The following GPR141 variants were observed in gnomAD, a reference collection of about 807,000 sequenced individuals.
GPR141 encodes probable G protein-coupled receptor 141.
GPR141 carries 6 observed loss-of-function variants against 6.8 expected under a neutral mutation model. That is an observed-to-expected ratio of 0.88 (90% CI 0.48 to 1.74). The LOEUF (loss-of-function observed/expected upper bound fraction) is 1.74. Among genes scored for constraint, GPR141 ranks in the 40% most tolerant of loss-of-function variants. The pLI is 0.01. For missense variants in GPR141, 372 were observed against 372.9 expected, an observed-to-expected ratio of 1.00 and a Z score of 0.02; for synonymous variants, 140 against 142.3, an observed-to-expected ratio of 0.98 and a Z score of 0.11.
chr7:37,716,909 G>T (rs1230964171), intron 2 of GPR141, among the ~76,000 whole-genome samples: 2 of 152,246 alleles, frequency 1.3e-5, no homozygotes, highest in African/African-American at 4.8e-5. Flanking sequence ...ATTAAGGGGA[G>T]GGTTTTCCTT....
chr7:37,725,823 T>C (rs1357168660), intron 2 of GPR141, among the ~76,000 whole-genome samples: 1 of 152,054 alleles, frequency 6.6e-6, no homozygotes. Flanking sequence ...AATATGTCTA[T>C]TTACCATGTT....
At chr7:37,697,436 T>G (rs1161309766) in intron 2 of GPR141, among the ~76,000 whole-genome samples, 1 of 152,352 alleles carries the variant, frequency 6.6e-6, no homozygotes, top group East Asian at 1.9e-4. Context: ...TTAAAAACTT[T>G]AAAGCCTTAT....
At chr7:37,713,241 A>G (rs953180519) in intron 2 of GPR141, 10 of 152,228 alleles carry the variant, frequency 6.6e-5, no homozygotes, top group Non-Finnish European at 4.4e-5. Context: ...ACAAATATAT[A>G]CCATGTGTTA....
chr7:37,730,927 C>T (rs569318077), intron 2 of GPR141, among the ~76,000 whole-genome samples: 3 of 152,296 alleles, frequency 2.0e-5, no homozygotes, highest in Non-Finnish European at 4.4e-5. Context: ...TGAAAAGGCT[C>T]GAAATTTCCT....
chr7:37,713,684 C>T lies in GPR141; in HGVS notation c.-14-26696C>T, dbSNP rs1178505498. On this transcript the variant is annotated intron_variant, in intron 2 of 2. Coordinates refer to ENST00000334425, the MANE Select transcript of GPR141 (RefSeq NM_001381946.1). ...CAATTGTTCTGCCACTTTAAAGATACTATGTCTTTAAAGTTGCTGTGAAAA... is the reference window on the plus strand; with the variant it reads ...CAATTGTTCTGCCACTTTAAAGATATTATGTCTTTAAAGTTGCTGTGAAAA... 2.6e-5 allele frequency among the ~76,000 whole-genome samples: 4 copies of T among 152,148 alleles called. No individual in the cohort carries two copies. In the South Asian group the frequency reaches 8.3e-4, roughly 31 times the overall value.
At chr7:37,730,052 C>T (rs1338395540) in intron 2 of GPR141, 1 of 152,198 alleles carries the variant, frequency 6.6e-6, no homozygotes, top group Non-Finnish European at 1.5e-5. Flanking sequence ...AGTTCAATGC[C>T]TAAGTATAAC....
In GPR141 at chr7:37,688,009, A is replaced by G. The variant is rs148791053; in HGVS notation, c.-15+2426A>G. ...ACAATTGCAATGTGAATGCAACCACAGACGATGCATAAATAAATAAGCTTG... is the reference window on the plus strand; with the variant it reads ...ACAATTGCAATGTGAATGCAACCACGGACGATGCATAAATAAATAAGCTTG... On this transcript the variant is annotated intron_variant, in intron 2 of 2. Coordinates refer to ENST00000334425, the MANE Select transcript of GPR141 (RefSeq NM_001381946.1). Among the ~76,000 whole-genome samples the G allele has an allele frequency of 8.5e-5, 13 of 152,292 alleles. No individual in the cohort carries two copies. In the East Asian group the frequency reaches 2.5e-3, roughly 29 times the overall value.
intron 2 of GPR141, among the ~76,000 whole-genome samples, chr7:37,695,460 TG>T (rs1809971477): frequency 6.6e-6 from 1 of 152,192 alleles, no homozygotes; most frequent in Non-Finnish European, 1.5e-5. Flanking sequence ...TGGCAAGGTC[TG>T]TAGATGTCCA....
At chr7:37,699,160 T>C (rs1030110017) in intron 2 of GPR141, among the ~76,000 whole-genome samples, 13 of 152,198 alleles carry the variant, frequency 8.5e-5, no homozygotes, top group Non-Finnish European at 1.8e-4. Context: ...AGTTTTTTTT[T>C]CTATGAAGAA....
At position 37,743,495 on chromosome 7, in the gene GPR141, G is replaced by T. The variant is rs2131880950; in HGVS notation, c.*2184G>T. 6.6e-6 allele frequency among the ~76,000 whole-genome samples: 1 copy of T among 150,940 alleles called. No individual in the cohort carries two copies. The highest frequency in any genetic ancestry group is 1.9e-4 in the East Asian group (1 of 5,148). On this transcript the variant is annotated 3_prime_UTR_variant, in exon 3 of 3. Coordinates refer to ENST00000334425, the MANE Select transcript of GPR141 (RefSeq NM_001381946.1). ...TCATTTTGAACCATAAAATTTGTAA[G>T]ACCGTTACTAAGACCCCTGATAGTT...
intron 2 of GPR141, among the ~76,000 whole-genome samples, chr7:37,710,854 A>G (rs539847665): frequency 6.6e-6 from 1 of 152,108 alleles, no homozygotes; most frequent in Non-Finnish European, 1.5e-5. Context: ...TTCTCTCCTG[A>G]GTATCAGAGT....
At chr7:37,696,717 G>A (rs1810032089) in intron 2 of GPR141, among the ~76,000 whole-genome samples, 1 of 151,968 alleles carries the variant, frequency 6.6e-6, no homozygotes, top group Non-Finnish European at 1.5e-5. Flanking sequence ...TCTCCTTGTA[G>A]AACAGGATCC....
chr7:37,708,932 C>A (rs1211923120), intron 2 of GPR141, among the ~76,000 whole-genome samples: 2 of 152,128 alleles, frequency 1.3e-5, no homozygotes, highest in African/African-American at 4.8e-5. Flanking sequence ...TGTAATATCT[C>A]ATTTATGTGC....
At chr7:37,685,109 CAGGCTGTA>C (rs1260616489) in intron 1 of GPR141, 11 of 152,186 alleles carry the variant, frequency 7.2e-5, no homozygotes, top group African/African-American at 2.7e-4. Flanking sequence ...TCGTAGCTCA[CAGGCTGTA>C]TAAAAACAAG....
intron 2 of GPR141, among the ~76,000 whole-genome samples, chr7:37,728,696 G>T (rs1811759086): frequency 6.6e-6 from 1 of 151,842 alleles, no homozygotes; most frequent in Admixed American, 6.6e-5. Flanking sequence ...AGATACAAGG[G>T]AATAGCCACC....
At chr7:37,708,390 G>C (rs1390375163) in intron 2 of GPR141, among the ~76,000 whole-genome samples, 1 of 146,802 alleles carries the variant, frequency 6.8e-6, no homozygotes, top group Admixed American at 7.0e-5. Flanking sequence ...AGTTGTTCTT[G>C]AATTTATTTT....
At chr7:37,724,825 G>A (rs1811545810) in intron 2 of GPR141, among the ~76,000 whole-genome samples, 3 of 152,174 alleles carry the variant, frequency 2.0e-5, no homozygotes, top group Admixed American at 2.0e-4. Flanking sequence ...CCTTGAGGTG[G>A]GGCCTATGGG....
chr7:37,741,424 A>G lies in GPR141; in HGVS notation c.*113A>G. 1.3e-6 allele frequency: 1 copy of G among 769,862 alleles called. No individual in the cohort carries two copies. The highest frequency in any genetic ancestry group is 2.7e-5 in the East Asian group (1 of 37,276). 47.7% of individuals were successfully genotyped at this position (769,862 alleles called of 1,614,324 possible). On this transcript the variant is annotated 3_prime_UTR_variant, in exon 3 of 3. Coordinates refer to ENST00000334425, the MANE Select transcript of GPR141 (RefSeq NM_001381946.1). ...ATCAAAACCATGCCTTGATGTACCC[A>G]AAACAAAAGGACTATAAAATGCAAG...
At chr7:37,730,771 G>T (rs1046515339) in intron 2 of GPR141, among the ~76,000 whole-genome samples, 1 of 152,160 alleles carries the variant, frequency 6.6e-6, no homozygotes, top group South Asian at 2.1e-4. Context: ...ACAGTCTCAG[G>T]GACTGTTCTA....
Sources: allele counts gnomAD v4.1 joint callset (sites outside exome capture counted in the v4.1 genomes callset), GRCh38; gene constraint gnomAD v4.1.1; transcripts MANE v1.5; gene names NCBI Gene and HGNC (gene_info 2026-07-23, HGNC 2026-07-21).